SBF2: variants seen among roughly 807,000 people sequenced by gnomAD.
The protein encoded by SBF2 is myotubularin-related protein 13.
In SBF2, 112 loss-of-function variants were observed where a neutral mutation model predicts 225.2. The observed-to-expected ratio is 0.50, with a 90% CI of 0.43 to 0.58. The LOEUF (loss-of-function observed/expected upper bound fraction) is 0.58. SBF2 is among the 20% of genes least tolerant of loss of function. The probability of loss-of-function intolerance (pLI) is 0.00; values close to 1 mark genes in which losing one functional copy is unlikely to be tolerated. For synonymous variants in SBF2, 763 were observed against 773.3 expected (o/e 0.99, Z 0.22); for missense variants, 1,996 against 2,206.2 (o/e 0.90, Z 1.91).
At chr11:10,101,214 C>T (rs1952287287) in intron 2 of SBF2, among the ~76,000 whole-genome samples, 1 of 152,098 alleles carries the variant, frequency 6.6e-6, no homozygotes. Context: ...TTCGTCTTAC[C>T]CAGCAACTAC....
Position 10,075,899 on chromosome 11 carries a change from G to GT in SBF2, c.142-32919dup, listed in dbSNP as rs776537276. Among the ~76,000 whole-genome samples, 800 of 145,704 alleles carry GT rather than the reference G, an allele frequency of 5.5e-3. 1 individual carries two copies. The highest frequency in any genetic ancestry group is 7.2e-3 in the Middle Eastern group (2 of 276). On this transcript the variant is annotated intron_variant, in intron 2 of 39. Transcript: ENST00000256190. ...AGGAAACAGAAAACCATTTCTGGTA[G>GT]TTTTTTTTTTTTTCTGCGAGTTGGC...
intron 35 of SBF2, 95 bp from the exon 36 acceptor site, chr11:9,787,833 G>A: frequency 9.4e-7 from 1 of 1,061,764 alleles, no homozygotes; most frequent in Admixed American, 1.9e-5. Context: ...CAGATGAGCA[G>A]CATGGCCAGA....
intron 17 of SBF2, among the ~76,000 whole-genome samples, chr11:9,875,804 C>A (rs1186613877): frequency 6.6e-6 from 1 of 152,168 alleles, no homozygotes; most frequent in Non-Finnish European, 1.5e-5. Flanking sequence ...GATTTTTCTG[C>A]CTATTATCAA....
intron 2 of SBF2, among the ~76,000 whole-genome samples, chr11:10,053,112 T>C (rs1324200629): frequency 2.0e-5 from 3 of 152,234 alleles, no homozygotes; most frequent in African/African-American, 7.2e-5. Context: ...TATTTTCCCA[T>C]GTATTTATAT....
intron 1 of SBF2, among the ~76,000 whole-genome samples, chr11:10,246,190 T>C (rs780163735): frequency 6.6e-6 from 1 of 152,214 alleles, no homozygotes; most frequent in Non-Finnish European, 1.5e-5. Context: ...GATATGTTTA[T>C]GGCATACACT....
rs550543560 is a variant in SBF2 at position 9,828,640 on chromosome 11, A to G, written c.3793+716T>C. On this transcript the variant is annotated intron_variant, in intron 28 of 39. Coordinates refer to ENST00000256190, the MANE Select transcript of SBF2 (RefSeq NM_030962.4). ...GGTTCCATCACATGATAACTGAAAC[A>G]GAATATTAGTACAAGTCTTAATGGC... is the stretch of plus-strand genomic sequence containing the variant. The G allele has an allele frequency of 1.3e-4, 124 of 985,372 alleles. No homozygotes were observed. The African/African-American group carries it at 2.1e-3, about 16-fold the overall frequency. The allele number at this position is 985,372 out of a possible 1,614,324, so 61.0% of individuals were successfully genotyped here.
intron 16 of SBF2, among the ~76,000 whole-genome samples, chr11:9,930,242 T>C (rs1220940868): frequency 6.6e-6 from 1 of 152,222 alleles, no homozygotes; most frequent in Non-Finnish European, 1.5e-5. Context: ...CTGCATTTAC[T>C]TTTTTACCAA....
intron 33 of SBF2, among the ~76,000 whole-genome samples, chr11:9,794,686 A>G (rs1852994119): frequency 7.2e-6 from 1 of 138,878 alleles, no homozygotes; most frequent in Non-Finnish European, 1.5e-5. Flanking sequence ...CAAAAAAAAA[A>G]AAAAAAAAAA....
At chr11:10,117,819 G>T (rs1953225318) in intron 2 of SBF2, among the ~76,000 whole-genome samples, 1 of 151,902 alleles carries the variant, frequency 6.6e-6, no homozygotes, top group Non-Finnish European at 1.5e-5. Context: ...CTCCATTTGG[G>T]ATTTCAAGTA....
intron 1 of SBF2, among the ~76,000 whole-genome samples, chr11:10,262,550 C>T (rs1254041485): frequency 2.0e-5 from 3 of 152,102 alleles, no homozygotes; most frequent in Non-Finnish European, 4.4e-5. Context: ...GACTATAAGC[C>T]TCTTAGGGGC....
intron 1 of SBF2, among the ~76,000 whole-genome samples, chr11:10,228,181 G>A (rs1236443068): frequency 6.6e-6 from 1 of 152,196 alleles, no homozygotes; most frequent in African/African-American, 2.4e-5. Flanking sequence ...TGTATCCTGA[G>A]ACTTTGCTGA....
At chr11:10,059,817 G>A (rs1357084253) in intron 2 of SBF2, among the ~76,000 whole-genome samples, 1 of 152,092 alleles carries the variant, frequency 6.6e-6, no homozygotes, top group African/African-American at 2.4e-5. Context: ...AAATAAAGAA[G>A]TTCTTTAAAA....
chr11:10,239,813 T>G (rs572808837), intron 1 of SBF2, among the ~76,000 whole-genome samples: 1 of 152,214 alleles, frequency 6.6e-6, no homozygotes, highest in Non-Finnish European at 1.5e-5. Context: ...TAGAAAAGTA[T>G]TGATATACAT....
chr11:9,789,327 C>T lies in SBF2; in HGVS notation c.4714G>A (p.Val1572Ile), dbSNP rs1352464701. 1 of 1,613,774 alleles carries T rather than the reference C, an allele frequency of 6.2e-7. No homozygotes were observed. The highest frequency in any genetic ancestry group is 8.5e-7 in the Non-Finnish European group (1 of 1,179,704). The change falls in exon 35 of 40, where the codon GTA (valine) becomes ATA (isoleucine). Residue 1572 changes from valine to isoleucine, a missense_variant. Coordinates refer to ENST00000256190, the MANE Select transcript of SBF2 (RefSeq NM_030962.4). The stretch of plus-strand genomic sequence containing the variant: ...CACTTCTTGAGGCTAGAGACGTTTA[C>T]ATTGGGCTTTAGAGCCTGTTAAAGA... ...PLEIEALKPN[V>I]NVSSLKKWDY... is the part of the protein sequence containing the mutation.
chr11:10,197,196 A>G (rs1957407492), intron 1 of SBF2, among the ~76,000 whole-genome samples: 1 of 152,116 alleles, frequency 6.6e-6, no homozygotes, highest in Non-Finnish European at 1.5e-5. Context: ...AAAAGAACCT[A>G]AATGGGACCA....
chr11:10,130,974 C>T (rs1198150720), intron 2 of SBF2, among the ~76,000 whole-genome samples: 1 of 151,880 alleles, frequency 6.6e-6, no homozygotes, highest in Admixed American at 6.6e-5. Flanking sequence ...CAATTTTGGG[C>T]CATTGAAAAT....
chr11:9,851,102 C>T (rs1297660673), intron 21 of SBF2, among the ~76,000 whole-genome samples: 8 of 147,504 alleles, frequency 5.4e-5, no homozygotes, highest in East Asian at 2.0e-4. Context: ...TGCCACTGCA[C>T]TCCAGCCTGG....
chr11:10,182,445 C>T (rs1021679288), intron 2 of SBF2, among the ~76,000 whole-genome samples: 1 of 152,174 alleles, frequency 6.6e-6, no homozygotes, highest in Non-Finnish European at 1.5e-5. Context: ...TTCTTTCTTG[C>T]ATATCACAAA....
chr11:10,186,200 A>G (rs1225804190), intron 2 of SBF2, among the ~76,000 whole-genome samples: 1 of 152,218 alleles, frequency 6.6e-6, no homozygotes. Flanking sequence ...GAGGTATGGC[A>G]GGGACCATGC....
Sources: gnomAD v4.1 joint callset for allele counts (sites outside exome capture counted in the v4.1 genomes callset) on GRCh38, gnomAD v4.1.1 for gene constraint, MANE v1.5 for transcripts, NCBI Gene and HGNC (gene_info 2026-07-23, HGNC 2026-07-21) for gene names.